MAGI1: variants seen among roughly 807,000 people sequenced by gnomAD.
The protein encoded by MAGI1 is membrane associated guanylate kinase, WW and PDZ domain containing 1.
MAGI1 carries 58 observed loss-of-function variants against 139.9 expected under a neutral mutation model. The ratio of observed to expected loss-of-function variants is 0.41; its 90% CI spans 0.34 to 0.52. MAGI1 has a LOEUF of 0.52. Among genes scored for constraint, MAGI1 ranks in the 20% least tolerant of loss-of-function variants. MAGI1 has a pLI of 0.12. For missense variants in MAGI1, 1,874 were observed against 1,901.6 expected (o/e 0.99, Z 0.27); for synonymous variants, 812 against 737.9 (o/e 1.10, Z -1.63).
chr3:65,602,364 G>A (rs936655674), intron 2 of MAGI1, among the ~76,000 whole-genome samples: 1 of 152,042 alleles, frequency 6.6e-6, no homozygotes, highest in African/African-American at 2.4e-5. Context: ...GATACTATTG[G>A]GCAATAAAAA....
At chr3:65,732,872 T>G (rs570409715) in intron 1 of MAGI1, among the ~76,000 whole-genome samples, 2 of 152,170 alleles carry the variant, frequency 1.3e-5, no homozygotes, top group Non-Finnish European at 2.9e-5. Flanking sequence ...TTGAATTCAT[T>G]GATGAGAAAC....
chr3:65,925,519 T>G (rs888434969), intron 1 of MAGI1, among the ~76,000 whole-genome samples: 1 of 152,220 alleles, frequency 6.6e-6, no homozygotes, highest in African/African-American at 2.4e-5. Flanking sequence ...CTTTGTTCAC[T>G]ATAGTCACAC....
At chr3:65,886,196 C>T (rs1188833576) in intron 1 of MAGI1, among the ~76,000 whole-genome samples, 1 of 152,160 alleles carries the variant, frequency 6.6e-6, no homozygotes, top group African/African-American at 2.4e-5. Flanking sequence ...TAATAAGATA[C>T]TGTTTCACAC....
At chr3:65,952,765 G>A (rs559748453) in intron 1 of MAGI1, among the ~76,000 whole-genome samples, 2 of 152,216 alleles carry the variant, frequency 1.3e-5, no homozygotes, top group African/African-American at 4.8e-5. Context: ...AGTGAGCCAA[G>A]ATCATGCCAC....
At chr3:65,618,201 G>A (rs1013152778) in intron 2 of MAGI1, among the ~76,000 whole-genome samples, 5 of 152,180 alleles carry the variant, frequency 3.3e-5, no homozygotes, top group South Asian at 2.1e-4. Flanking sequence ...GGGTTGAAGC[G>A]CAGAGTGGGA....
At chr3:65,765,625 T>G (rs2037405603) in intron 1 of MAGI1, among the ~76,000 whole-genome samples, 1 of 152,202 alleles carries the variant, frequency 6.6e-6, no homozygotes, top group African/African-American at 2.4e-5. Context: ...TAAGTTGCTT[T>G]GAGAAGTTTG....
chr3:65,736,529 T>C (rs2034750118), intron 1 of MAGI1, among the ~76,000 whole-genome samples: 2 of 152,064 alleles, frequency 1.3e-5, no homozygotes, highest in Non-Finnish European at 2.9e-5. Flanking sequence ...TCCATGATGG[T>C]ATAAACTCCC....
intron 22 of MAGI1, 79 bp from the exon 23 acceptor site, chr3:65,357,211 G>T: frequency 7.1e-7 from 1 of 1,405,674 alleles, no homozygotes; most frequent in Non-Finnish European, 9.6e-7. Context: ...CCACACTCGA[G>T]ACCTCATTAG....
chr3:65,942,178 G>A (rs1169667303), intron 1 of MAGI1, among the ~76,000 whole-genome samples: 1 of 151,686 alleles, frequency 6.6e-6, no homozygotes, highest in East Asian at 1.9e-4. Context: ...CACAGTCTGA[G>A]AGAAGTGTTA....
intron 1 of MAGI1, among the ~76,000 whole-genome samples, chr3:65,875,839 C>G (rs1235006493): frequency 6.6e-6 from 1 of 152,190 alleles, no homozygotes; most frequent in Admixed American, 6.5e-5. Context: ...TAAATTTTCA[C>G]AACACCTCCC....
chr3:65,755,787 A>C (rs1190104075), intron 1 of MAGI1, among the ~76,000 whole-genome samples: 1 of 152,178 alleles, frequency 6.6e-6, no homozygotes, highest in Non-Finnish European at 1.5e-5. Flanking sequence ...ATTATTATTA[A>C]AATAAAATCT....
chr3:65,882,940 AAAAAAAAAAAAGG>A (rs1375174414), intron 1 of MAGI1, among the ~76,000 whole-genome samples: 1 of 151,742 alleles, frequency 6.6e-6, no homozygotes, highest in African/African-American at 2.4e-5. Context: ...GTCTCAAAAA[AAAAAAAAAAAAGG>A]AAAAAAGAAA....
rs1241067178 is a variant in MAGI1, at chr3:65,485,747, GA to G, written c.551-6950del. 5.9e-5 allele frequency among the ~76,000 whole-genome samples: 9 copies of G among 152,062 alleles called. No homozygotes were observed. In the East Asian group the frequency reaches 1.2e-3, roughly 20 times the overall value. On this transcript the variant is annotated intron_variant, in intron 3 of 22. Transcript: ENST00000402939. ...TCTAATCTTTATAAACAATCTTAGA[GA>G]AAAAAAGGCATCAATATTCCCATTT...
intron 1 of MAGI1, among the ~76,000 whole-genome samples, chr3:65,837,114 AAAAAAAAT>A (rs1402832494): frequency 1.3e-5 from 2 of 151,524 alleles, no homozygotes; most frequent in African/African-American, 2.4e-5. Context: ...TCTTCAATGC[AAAAAAAAT>A]AAAAAAATAA....
intron 18 of MAGI1, among the ~76,000 whole-genome samples, chr3:65,365,534 A>G (rs994128445): frequency 1.3e-5 from 2 of 152,230 alleles, no homozygotes; most frequent in Non-Finnish European, 2.9e-5. Context: ...TCACTCATGA[A>G]AAGTCCTATA....
At chr3:65,815,578 A>C (rs1467024025) in intron 1 of MAGI1, among the ~76,000 whole-genome samples, 2 of 152,236 alleles carry the variant, frequency 1.3e-5, no homozygotes, top group African/African-American at 4.8e-5. Context: ...CATGAAGTCA[A>C]ATCATATAGT....
chr3:65,972,843 G>T (rs2107195276), intron 1 of MAGI1, among the ~76,000 whole-genome samples: 1 of 152,280 alleles, frequency 6.6e-6, no homozygotes, highest in South Asian at 2.1e-4. Context: ...AAGCTCAAAT[G>T]AGTTCCAGCA....
intron 12 of MAGI1, among the ~76,000 whole-genome samples, chr3:65,420,998 A>G (rs536615763): frequency 6.9e-4 from 105 of 152,338 alleles, no homozygotes; most frequent in African/African-American, 2.5e-3. Context: ...GCTTAAGTTT[A>G]AAAACCATGA....
chr3:65,569,309 G>A (rs1334221049), intron 2 of MAGI1, among the ~76,000 whole-genome samples: 1 of 152,178 alleles, frequency 6.6e-6, no homozygotes, highest in Non-Finnish European at 1.5e-5. Flanking sequence ...CATTTAATGA[G>A]TACATAGTTT....
Sources: gnomAD v4.1 joint callset for allele counts (sites outside exome capture counted in the v4.1 genomes callset) on GRCh38, gnomAD v4.1.1 for gene constraint, MANE v1.5 for transcripts, NCBI Gene and HGNC (gene_info 2026-07-23, HGNC 2026-07-21) for gene names.